The following SLC8A1 variants were observed in gnomAD, a reference collection of about 807,000 sequenced individuals.
The protein encoded by SLC8A1 is solute carrier family 8 member A1.
Under a neutral mutation model 68.3 loss-of-function variants are expected in SLC8A1, and 18 were observed. That is an observed-to-expected ratio of 0.26 (90% CI 0.18 to 0.39). The LOEUF (loss-of-function observed/expected upper bound fraction) is 0.39, where lower values mean the gene tolerates loss of function less well. Ranked by LOEUF, SLC8A1 falls within the 10% of genes least tolerant of loss-of-function variation. The pLI, the probability that SLC8A1 is intolerant of heterozygous loss-of-function variation, is 1.00. For missense variants in SLC8A1, 985 were observed against 1,156.7 expected, an observed-to-expected ratio of 0.85 and a Z score of 2.15; for synonymous variants, 475 against 415.5, an observed-to-expected ratio of 1.14 and a Z score of -1.74.
At chr2:40,402,879 A>T (rs1362484613) in intron 2 of SLC8A1, among the ~76,000 whole-genome samples, 1 of 152,220 alleles carries the variant, frequency 6.6e-6, no homozygotes, top group Non-Finnish European at 1.5e-5. Flanking sequence ...CTCTCAGATG[A>T]AAGTCATTGC....
chr2:40,510,383 A>G (rs962002336), intron 1 of SLC8A1, among the ~76,000 whole-genome samples: 1 of 152,198 alleles, frequency 6.6e-6, no homozygotes, highest in African/African-American at 2.4e-5. Flanking sequence ...TTCAAGAGAA[A>G]AAACAGGAGC....
chr2:40,261,353 C>A (rs557135648), intron 2 of SLC8A1, among the ~76,000 whole-genome samples: 2 of 152,246 alleles, frequency 1.3e-5, no homozygotes, highest in East Asian at 3.9e-4. Flanking sequence ...GGTTATTTTT[C>A]CATCTTGGCT....
At chr2:40,492,922 T>G (rs1185657279) in intron 1 of SLC8A1, among the ~76,000 whole-genome samples, 1 of 151,932 alleles carries the variant, frequency 6.6e-6, no homozygotes, top group African/African-American at 2.4e-5. Context: ...TCAACCATTG[T>G]GGAAGTCAGT....
exon 8 of SLC8A1, chr2:40,109,538 G>C (rs959602326): frequency 1.3e-5 from 2 of 152,118 alleles, no homozygotes; most frequent in Non-Finnish European, 2.9e-5. Context: ...TCTTATCTAG[G>C]TGGAATGTCA....
intron 2 of SLC8A1, among the ~76,000 whole-genome samples, chr2:40,364,982 C>A (rs113357327): frequency 1.9e-3 from 295 of 152,032 alleles, no homozygotes; most frequent in African/African-American, 6.7e-3. Flanking sequence ...TCTCTCTAAT[C>A]AAGAAATCAA....
At position 40,276,112 on chromosome 2, in the gene SLC8A1, G is replaced by A. The variant is rs1023312933; in HGVS notation, c.1809-98257C>T. Among the ~76,000 whole-genome samples, 7 of 152,318 alleles carry A rather than the reference G, an allele frequency of 4.6e-5. No individual in the cohort carries two copies. In the East Asian group the frequency reaches 1.2e-3, roughly 25 times the overall value. On this transcript the variant is annotated intron_variant, in intron 2 of 7. Transcript: ENST00000406785. ...TTTTGCCAGTTTGATTGGCATATTT[G>A]GCAAGCTTTTGAGAAGACTGGGAAA...
intron 2 of SLC8A1, among the ~76,000 whole-genome samples, chr2:40,285,538 G>T (rs938725829): frequency 1.3e-5 from 2 of 152,136 alleles, no homozygotes; most frequent in African/African-American, 4.8e-5. Flanking sequence ...TGCTGAGTGT[G>T]ATTCATCCAA....
At chr2:40,449,107 G>C (rs973370860) in intron 1 of SLC8A1, among the ~76,000 whole-genome samples, 6 of 149,750 alleles carry the variant, frequency 4.0e-5, no homozygotes, top group African/African-American at 1.5e-4. Flanking sequence ...GTACCTAAAA[G>C]GCATCACAAA....
intron 2 of SLC8A1, among the ~76,000 whole-genome samples, chr2:40,255,776 T>C (rs771592882): frequency 2.6e-5 from 4 of 152,196 alleles, no homozygotes; most frequent in Non-Finnish European, 5.9e-5. Context: ...AACATATCTA[T>C]GAGGCAAGGC....
At chr2:40,164,703 A>G (rs1178971019) in intron 5 of SLC8A1, 151 bp downstream of exon 8, 9 of 1,015,476 alleles carry the variant, frequency 8.9e-6, no homozygotes, top group African/African-American at 3.2e-5. Context: ...TATAATTCCA[A>G]TTTGGCCCCA....
At chr2:40,235,804 T>G (rs1011393934) in intron 2 of SLC8A1, among the ~76,000 whole-genome samples, 6 of 149,824 alleles carry the variant, frequency 4.0e-5, no homozygotes, top group Non-Finnish European at 9.0e-5. Context: ...GTTGTGTCTT[T>G]GTTCTCGTTG....
chr2:40,406,253 T>C (rs1690285992), intron 2 of SLC8A1, among the ~76,000 whole-genome samples: 1 of 152,188 alleles, frequency 6.6e-6, no homozygotes, highest in Non-Finnish European at 1.5e-5. Flanking sequence ...TTCTTTTTGT[T>C]AGGCAGTGTA....
At chr2:40,402,224 C>G (rs2149661668) in intron 2 of SLC8A1, among the ~76,000 whole-genome samples, 1 of 152,292 alleles carries the variant, frequency 6.6e-6, no homozygotes, top group South Asian at 2.1e-4. Flanking sequence ...TATTGGCATG[C>G]TAAAAGACAC....
At chr2:40,335,834 C>A (rs193252495) in intron 2 of SLC8A1, among the ~76,000 whole-genome samples, 258 of 152,266 alleles carry the variant, frequency 1.7e-3, no homozygotes, top group Middle Eastern at 3.4e-3. Context: ...TCTTTGGGAA[C>A]CTGATCCAAT....
chr2:40,451,440 G>T (rs1036274862), intron 1 of SLC8A1, among the ~76,000 whole-genome samples: 4 of 152,154 alleles, frequency 2.6e-5, no homozygotes, highest in Non-Finnish European at 4.4e-5. Flanking sequence ...GTGGCCTTGG[G>T]GAAAGACCCC....
intron 2 of SLC8A1, among the ~76,000 whole-genome samples, chr2:40,187,021 G>A (rs147185895): frequency 2.0e-5 from 3 of 152,320 alleles, no homozygotes; most frequent in Non-Finnish European, 4.4e-5. Flanking sequence ...GTTCTTGCCT[G>A]CCTGTTTACC....
rs570176345 is a variant in SLC8A1, at chr2:40,475,380, G to A, written c.-25+36969C>T. Among the ~76,000 whole-genome samples the A allele has an allele frequency of 5.6e-3, 849 of 152,006 alleles. 3 individuals are homozygous for A. Among genetic ancestry groups the A allele is most frequent in the Non-Finnish European group, 9.0e-3 (612 of 67,982 alleles). On this transcript the variant is annotated intron_variant, in intron 1 of 7. Transcript: ENST00000402441. ...GATCTCCTGACCTCGTGATCCACCC[G>A]CCTCTGCCTCCTAAAGTGCTGGGAT...
rs776231355 is a variant in SLC8A1 at position 40,358,048 on chromosome 2, G to GAAAA, written c.1808+70421_1808+70424dup. Among the ~76,000 whole-genome samples the GAAAA allele has an allele frequency of 1.0e-4, 8 of 77,706 alleles. No homozygotes were observed. In the East Asian group the frequency reaches 1.2e-3, roughly 12 times the overall value. 51.0% of individuals were successfully genotyped at this position (77,706 alleles called of 152,430 possible). A position where few individuals can be genotyped will look rare whatever the true frequency, so the allele number is the denominator to read the frequency against. ...TGCCAAACAATACATGCAACTGAAG[G>GAAAA]AAAAAAAAAAAAAAAAAAAAAAAGG... On this transcript the variant is annotated intron_variant, in intron 2 of 7. Transcript: ENST00000406785.
intron 2 of SLC8A1, among the ~76,000 whole-genome samples, chr2:40,238,009 G>A (rs1332551214): frequency 9.2e-5 from 14 of 152,192 alleles, no homozygotes; most frequent in Non-Finnish European, 2.9e-5. Flanking sequence ...TCTCTTCAAA[G>A]CTGTCAGACA....
Sources: gnomAD v4.1 joint callset for allele counts (sites outside exome capture counted in the v4.1 genomes callset) on GRCh38, gnomAD v4.1.1 for gene constraint, MANE v1.5 for transcripts, NCBI Gene and HGNC (gene_info 2026-07-23, HGNC 2026-07-21) for gene names.